Variants in NHSL1 observed in about 807,000 individuals in gnomAD.
The protein encoded by NHSL1 is NHS-like protein 1.
In NHSL1, 48 loss-of-function variants were observed where a neutral mutation model predicts 95.0. The ratio of observed to expected loss-of-function variants is 0.51; its 90% CI spans 0.40 to 0.64. The LOEUF is 0.64. NHSL1 is among the 30% of genes least tolerant of loss of function. The pLI, the probability that NHSL1 is intolerant of heterozygous loss-of-function variation, is 0.00. For missense variants in NHSL1, 1,971 were observed against 2,077.7 expected (o/e 0.95, Z 1.00); for synonymous variants, 783 against 833.9 (o/e 0.94, Z 1.05).
chr6:138,672,433 A>C (rs1785384939), intron 1 of NHSL1, among the ~76,000 whole-genome samples: 2 of 152,146 alleles, frequency 1.3e-5, no homozygotes. Flanking sequence ...TAAAACTAAA[A>C]ATGGAATTAG....
upstream of NHSL1, among the ~76,000 whole-genome samples, chr6:138,573,129 A>G (rs940096805): frequency 6.6e-6 from 1 of 152,136 alleles, no homozygotes; most frequent in African/African-American, 2.4e-5. Flanking sequence ...TTGAATGATC[A>G]TCCTATCACA....
Position 138,520,797 on chromosome 6 carries a change from A to G in NHSL1, c.17-24426T>C, listed in dbSNP as rs78421127. On this transcript the variant is annotated intron_variant, in intron 1 of 4. Coordinates refer to the NHSL1 transcript ENST00000342260. ...TCTTTGGCCACTGTGTGGAGAACAGATTGTGCATGGACAAGTAAAAGTAGG... is the reference window on the plus strand; with the variant it reads ...TCTTTGGCCACTGTGTGGAGAACAGGTTGTGCATGGACAAGTAAAAGTAGG... 8.9e-4 allele frequency among the ~76,000 whole-genome samples: 135 copies of G among 152,312 alleles called. 1 individual carries two copies. The East Asian group carries it at 0.021, about 24-fold the overall frequency.
intron 5 of NHSL1, among the ~76,000 whole-genome samples, chr6:138,439,655 T>G (rs1225228975): frequency 6.6e-6 from 1 of 152,234 alleles, no homozygotes; most frequent in Admixed American, 6.5e-5. Flanking sequence ...TCTAATTATC[T>G]TTTTTGTTTT....
Position 138,430,824 on chromosome 6 carries a change from G to A in NHSL1, c.3521C>T (p.Ala1174Val). 1.3e-6 allele frequency: 2 copies of A among 1,550,902 alleles called. No homozygotes were observed. Among genetic ancestry groups the A allele is most frequent in the Middle Eastern group, 1.7e-4 (1 of 5,986 alleles). The change falls in exon 6 of 8, where the codon GCT (alanine) becomes GTT (valine). Residue 1174 changes from alanine (A) to valine (V), a missense_variant. Transcript: ENST00000343505. This position sits in a 1 kb window ranked among gnomAD's most constrained non-coding sequence, Gnocchi z 4.7. Reference protein sequence around the residue: ...PGAPSAGEAEARPSPSTTPLP... With the variant: ...PGAPSAGEAEVRPSPSTTPLP... The stretch of plus-strand genomic sequence containing the variant: ...TGGGGTGGTGCTGGGGCTGGGCCGA[G>A]CCTCTGCCTCCCCAGCGCTTGGAGC...
intron 1 of NHSL1, among the ~76,000 whole-genome samples, chr6:138,655,555 T>C (rs938397477): frequency 2.0e-5 from 3 of 152,220 alleles, no homozygotes; most frequent in African/African-American, 7.2e-5. Flanking sequence ...GACTTTTAAC[T>C]AGTTTACAAC....
Position 138,663,062 on chromosome 6 carries a change from C to CA in NHSL1, c.96+29413dup, listed in dbSNP as rs10632082. 8.1e-4 allele frequency among the ~76,000 whole-genome samples: 102 copies of CA among 126,658 alleles called. 3 individuals are homozygous for CA. The highest frequency in any genetic ancestry group is 1.7e-3 in the African/African-American group (54 of 31,688). The allele number at this position is 126,658 out of a possible 152,430, so 83.1% of individuals were successfully genotyped here. A position where few individuals can be genotyped will look rare whatever the true frequency, so the allele number is the denominator to read the frequency against. ...GCAAATATGTTCACCGAACTCACGG[C>CA]AAAAAAAAAAAGAAAAAGAAATATT... On this transcript the variant is annotated intron_variant, in intron 1 of 3. Coordinates refer to the NHSL1 transcript ENST00000491526.
In NHSL1 at chr6:138,433,094, T is replaced by C; in HGVS notation, c.1251A>G (p.Thr417=). 1 of 1,550,982 alleles carries C rather than the reference T, an allele frequency of 6.4e-7. No individual in the cohort carries two copies. Among genetic ancestry groups the C allele is most frequent in the Non-Finnish European group, 8.7e-7 (1 of 1,146,822 alleles). The part of the protein sequence containing the change: ...TYSTSIIPNA[T]LSSSSEVIAI... ...CGATGACCTCGGAAGAGGAAGACAG[T>C]GTGGCATTTGGGATGATGCTGGTGG... The change falls in exon 6 of 8, where the codon ACA becomes ACG. Residue 417 remains threonine (T), a synonymous_variant. Transcript: ENST00000343505.
intron 4 of NHSL1, 36 bp from the exon 5 acceptor site, chr6:138,442,150 A>T: frequency 1.3e-6 from 2 of 1,509,886 alleles, no homozygotes; most frequent in Non-Finnish European, 1.8e-6. Context: ...AAGCAATGTT[A>T]TTTTCAAGCA....
chr6:138,571,999 C>G (rs959046524), exon 1 of NHSL1: 2 of 1,039,248 alleles, frequency 1.9e-6, no homozygotes, highest in East Asian at 5.2e-5. Flanking sequence ...TCTCCACGAG[C>G]CTGCTGTTTC....
chr6:138,680,484 T>C (rs1245208909), intron 1 of NHSL1, among the ~76,000 whole-genome samples: 1 of 152,226 alleles, frequency 6.6e-6, no homozygotes, highest in East Asian at 1.9e-4. Flanking sequence ...GATACAAACA[T>C]ACTCCTAAGT....
chr6:138,568,777 C>A (rs902864373), intron 1 of NHSL1, among the ~76,000 whole-genome samples: 1 of 151,980 alleles, frequency 6.6e-6, no homozygotes, highest in Non-Finnish European at 1.5e-5. Flanking sequence ...AGCTTCTAAT[C>A]GTATAAAAAG....
intron 1 of NHSL1, among the ~76,000 whole-genome samples, chr6:138,498,700 A>C (rs1263296742): frequency 6.6e-6 from 1 of 152,248 alleles, no homozygotes; most frequent in Non-Finnish European, 1.5e-5. Context: ...ACCTTACAAC[A>C]ATCACTGATC....
At chr6:138,551,581 A>G (rs1214523902) in intron 1 of NHSL1, among the ~76,000 whole-genome samples, 1 of 152,162 alleles carries the variant, frequency 6.6e-6, no homozygotes, top group Non-Finnish European at 1.5e-5. Flanking sequence ...CAATACTTCT[A>G]GTTTCACCAG....
In NHSL1 at chr6:138,431,412, G is replaced by A. The variant is rs1183478860; in HGVS notation, c.2933C>T (p.Ala978Val). The change falls in exon 6 of 8, where the codon GCT (alanine) becomes GTT (valine). Residue 978 changes from alanine to valine, a missense_variant. Physicochemically the swap from Ala to Val is moderately conservative, Grantham distance 64. Around this residue, in one of 3 missense-constraint regions of NHSL1, gnomAD observed 1,602 missense variants for 1,654.5 expected, o/e 0.97. Coordinates refer to ENST00000343505, the MANE Select transcript of NHSL1 (RefSeq NM_001144060.2). The surrounding 1 kb of genome is among the most constrained non-coding windows in gnomAD (Gnocchi z 4.0). ...SPVFPPPPPE[A>V]LIPFCSPPDW... is the part of the protein sequence containing the mutation. ...AGGTGGGGAGCAGAAAGGAATGAGA[G>A]CTTCTGGCGGCGGAGGGGGGAACAC... The A allele has an allele frequency of 6.4e-7, 1 of 1,550,494 alleles. No homozygotes were observed. Among genetic ancestry groups the A allele is most frequent in the South Asian group, 1.2e-5 (1 of 84,008 alleles).
At chr6:138,639,796 T>TC (rs1784935641) in intron 1 of NHSL1, among the ~76,000 whole-genome samples, 2 of 23,548 alleles carry the variant, frequency 8.5e-5, no homozygotes, top group African/African-American at 2.5e-4. Flanking sequence ...AGACTCAGTC[T>TC]CAAAAAAAAA....
rs528799705 is a variant in NHSL1, at chr6:138,440,505, A to T, written c.664+1478T>A. Among the ~76,000 whole-genome samples, 10 of 152,330 alleles carry T rather than the reference A, an allele frequency of 6.6e-5. No individual in the cohort carries two copies. The East Asian group carries it at 1.7e-3, about 26-fold the overall frequency. ...GTCTTGCCTTTGTTTGTAATAAACC[A>T]ATCCATGATAGAACAGGGCAAACAC... On this transcript the variant is annotated intron_variant, in intron 5 of 7. Coordinates refer to ENST00000343505, the MANE Select transcript of NHSL1 (RefSeq NM_001144060.2).
Position 138,592,326 on chromosome 6 carries a change from C to T in NHSL1, c.97-95955G>A, listed in dbSNP as rs569230675. Among the ~76,000 whole-genome samples, 7 of 152,284 alleles carry T rather than the reference C, an allele frequency of 4.6e-5. No individual in the cohort carries two copies. In the South Asian group the frequency reaches 1.0e-3, roughly 23 times the overall value. On this transcript the variant is annotated intron_variant, in intron 1 of 3. Coordinates refer to the NHSL1 transcript ENST00000491526. ...GTGTAAAAACTATATAGGCCAGGCA[C>T]GGTAGCTCACACCTATAATCCCAGC...
At chr6:138,518,587 T>A (rs958672211) in intron 1 of NHSL1, among the ~76,000 whole-genome samples, 1 of 151,822 alleles carries the variant, frequency 6.6e-6, no homozygotes, top group Non-Finnish European at 1.5e-5. Context: ...GCCTATATAA[T>A]TAAAGTTGGA....
intron 1 of NHSL1, among the ~76,000 whole-genome samples, chr6:138,677,209 A>G (rs1406663834): frequency 1.3e-5 from 2 of 152,318 alleles, no homozygotes; most frequent in South Asian, 2.1e-4. Flanking sequence ...AAAATTTCCT[A>G]TGTCTGCCTC....
Sources: allele counts gnomAD v4.1 joint callset (sites outside exome capture counted in the v4.1 genomes callset), GRCh38; gene constraint gnomAD v4.1.1; regional missense constraint gnomAD v4.1.1; non-coding constraint Gnocchi (gnomAD v3.1); transcripts MANE v1.5; gene names NCBI Gene and HGNC (gene_info 2026-07-23, HGNC 2026-07-21).